ZBTB7C: variants seen among roughly 807,000 people sequenced by gnomAD.
ZBTB7C encodes the protein zinc finger and BTB domain containing 7C, also known as zinc finger and BTB domain-containing protein 7C.
Under a neutral mutation model 25.7 loss-of-function variants are expected in ZBTB7C, and 8 were observed. That is an observed-to-expected ratio of 0.31 (90% CI 0.18 to 0.56). The LOEUF (loss-of-function observed/expected upper bound fraction) is 0.56, where lower values mean the gene tolerates loss of function less well. ZBTB7C is among the 20% of genes least tolerant of loss of function. The pLI, the probability that ZBTB7C is intolerant of heterozygous loss-of-function variation, is 0.91. For missense variants in ZBTB7C, 824 were observed against 855.2 expected (o/e 0.96, Z 0.46); for synonymous variants, 394 against 369.0 (o/e 1.07, Z -0.78).
intron 4 of ZBTB7C, among the ~76,000 whole-genome samples, chr18:48,037,240 A>G (rs567174111): frequency 1.3e-5 from 2 of 152,366 alleles, no homozygotes; most frequent in African/African-American, 4.8e-5. Context: ...CTTCAGCTGG[A>G]GACAGGCCTG....
chr18:48,309,494 G>A (rs1329109811), intron 2 of ZBTB7C, among the ~76,000 whole-genome samples: 2 of 152,162 alleles, frequency 1.3e-5, no homozygotes, highest in Admixed American at 1.3e-4. Flanking sequence ...CACAGAAGTG[G>A]GGGTAGTGGC....
intron 2 of ZBTB7C, among the ~76,000 whole-genome samples, chr18:48,275,085 A>G (rs894499411): frequency 9.9e-5 from 15 of 152,238 alleles, no homozygotes. Context: ...AAGAGTCACA[A>G]GTGAGCAAAA....
intron 3 of ZBTB7C, among the ~76,000 whole-genome samples, chr18:48,113,994 C>A (rs1000823515): frequency 6.6e-6 from 1 of 152,188 alleles, no homozygotes; most frequent in Non-Finnish European, 1.5e-5. Flanking sequence ...ATGAAAGGCC[C>A]TTTCACTTTT....
intron 1 of ZBTB7C, among the ~76,000 whole-genome samples, chr18:48,403,332 G>A (rs2048204108): frequency 6.6e-6 from 1 of 152,190 alleles, no homozygotes; most frequent in South Asian, 2.1e-4. Context: ...TGTCAAATCA[G>A]GGCTAACATC....
intron 3 of ZBTB7C, among the ~76,000 whole-genome samples, chr18:48,093,262 C>A (rs1408752964): frequency 1.3e-5 from 2 of 152,172 alleles, no homozygotes; most frequent in Non-Finnish European, 2.9e-5. Context: ...CGGTTTCTCC[C>A]TTCTTCCTGA....
intron 2 of ZBTB7C, among the ~76,000 whole-genome samples, chr18:48,292,489 T>A (rs2045260539): frequency 6.6e-6 from 1 of 151,990 alleles, no homozygotes; most frequent in Non-Finnish European, 1.5e-5. Flanking sequence ...GACCACTAAC[T>A]CCCTCCTCCT....
intron 4 of ZBTB7C, 44 bp from the exon 5 acceptor site, chr18:48,029,955 G>A (rs1598738783): frequency 6.2e-7 from 1 of 1,605,218 alleles, no homozygotes; most frequent in Middle Eastern, 1.7e-4. Flanking sequence ...GGAACACCAG[G>A]AGCCATTCCT....
rs148152463 is a variant in ZBTB7C, at chr18:48,404,475, A to G, written c.-304+4751T>C. ...ATCCCGCATGCCCACGGTTGGTTAC[A>G]CAAGGGAGTGGCCTGGTCTGCCTTA... On this transcript the variant is annotated intron_variant, in intron 1 of 4. Coordinates refer to ENST00000590800, the MANE Select transcript of ZBTB7C (RefSeq NM_001318841.2). Among the ~76,000 whole-genome samples, 9 of 152,338 alleles carry G rather than the reference A, an allele frequency of 5.9e-5. No homozygotes were observed. The East Asian group carries it at 1.7e-3, about 29-fold the overall frequency.
intron 1 of ZBTB7C, among the ~76,000 whole-genome samples, chr18:48,395,293 G>A (rs1004163083): frequency 1.4e-5 from 2 of 146,022 alleles, no homozygotes; most frequent in African/African-American, 5.1e-5. Context: ...GTGTGTGTGT[G>A]TGTGTGTGTG....
At chr18:48,240,337 C>T (rs1029153645) in intron 2 of ZBTB7C, among the ~76,000 whole-genome samples, 1 of 152,122 alleles carries the variant, frequency 6.6e-6, no homozygotes, top group Non-Finnish European at 1.5e-5. Flanking sequence ...ATACAAGAAG[C>T]TCAAACAACA....
intron 3 of ZBTB7C, among the ~76,000 whole-genome samples, chr18:48,120,799 C>T (rs184810309): frequency 4.2e-4 from 64 of 152,332 alleles, no homozygotes; most frequent in African/African-American, 1.1e-3. Context: ...CTAAATGAAG[C>T]GGCTCCTTTG....
At chr18:48,270,671 C>A (rs1176911358) in intron 2 of ZBTB7C, among the ~76,000 whole-genome samples, 10 of 140,478 alleles carry the variant, frequency 7.1e-5, no homozygotes, top group Non-Finnish European at 1.5e-4. Context: ...GCCTGGGCCA[C>A]AGAGTGAGAC....
At chr18:48,394,979 T>C (rs151268079) in intron 1 of ZBTB7C, among the ~76,000 whole-genome samples, 13 of 152,202 alleles carry the variant, frequency 8.5e-5, no homozygotes, top group East Asian at 1.9e-4. Flanking sequence ...CTGACAGGAA[T>C]TGGAATTTTG....
chr18:48,118,202 C>T (rs946249709), intron 3 of ZBTB7C, among the ~76,000 whole-genome samples: 10 of 151,948 alleles, frequency 6.6e-5, no homozygotes, highest in Admixed American at 1.3e-4. Flanking sequence ...GAGGAGGTTT[C>T]GCCACATTGG....
chr18:48,402,911 T>C (rs1436841764), intron 1 of ZBTB7C, among the ~76,000 whole-genome samples: 1 of 152,234 alleles, frequency 6.6e-6, no homozygotes, highest in East Asian at 1.9e-4. Flanking sequence ...TGAATGCTAA[T>C]AGTTTTTTAA....
intron 1 of ZBTB7C, among the ~76,000 whole-genome samples, chr18:48,354,962 G>A (rs574039015): frequency 6.6e-6 from 1 of 152,262 alleles, no homozygotes; most frequent in African/African-American, 2.4e-5. Context: ...GGCTTTCCCT[G>A]AACCAACTCT....
intron 1 of ZBTB7C, among the ~76,000 whole-genome samples, chr18:48,363,487 G>A (rs887477021): frequency 3.3e-5 from 5 of 151,854 alleles, no homozygotes; most frequent in African/African-American, 4.8e-5. Flanking sequence ...AACAACTCTC[G>A]GCAACATGAG....
At chr18:48,089,596 C>G (rs1000908696) in intron 3 of ZBTB7C, among the ~76,000 whole-genome samples, 2 of 152,068 alleles carry the variant, frequency 1.3e-5, no homozygotes, top group East Asian at 1.9e-4. Flanking sequence ...CATGGTACTA[C>G]GCACACCGCT....
Position 48,040,041 on chromosome 18 carries a change from C to A in ZBTB7C, c.1067G>T (p.Arg356Leu), listed in dbSNP as rs774061363. The A allele has an allele frequency of 1.2e-6, 2 of 1,613,922 alleles. No homozygotes were observed. Among genetic ancestry groups the A allele is most frequent in the African/African-American group, 2.7e-5 (2 of 74,932 alleles). The change falls in exon 4 of 5, where the codon CGC becomes CTC. Residue 356 changes from arginine to leucine, a missense_variant. This residue lies in a region of ZBTB7C where 316 missense variants were observed against 299.2 expected (regional missense o/e 1.06). Coordinates refer to ENST00000590800, the MANE Select transcript of ZBTB7C (RefSeq NM_001318841.2). ...LFPPWPLVEE[R>L]KLKPKASQQC... ...CTGAGAGGCCTTGGGCTTCAGCTTGCGCTCTTCTACCAGGGGCCAGGGTGG... is the reference window on the plus strand; with the variant it reads ...CTGAGAGGCCTTGGGCTTCAGCTTGAGCTCTTCTACCAGGGGCCAGGGTGG...
Sources: gnomAD v4.1 joint callset for allele counts (sites outside exome capture counted in the v4.1 genomes callset) on GRCh38, gnomAD v4.1.1 for gene constraint, gnomAD v4.1.1 regional missense constraint, MANE v1.5 for transcripts, NCBI Gene and HGNC (gene_info 2026-07-23, HGNC 2026-07-21) for gene names.